FER: variants seen among roughly 807,000 people sequenced by gnomAD.
The protein encoded by FER is tyrosine-protein kinase Fer.
FER carries 63 observed loss-of-function variants against 111.0 expected under a neutral mutation model. That is an observed-to-expected ratio of 0.57 (90% CI 0.46 to 0.70). FER has a LOEUF of 0.70. Ranked by LOEUF, FER falls within the 30% of genes least tolerant of loss-of-function variation. The probability of loss-of-function intolerance (pLI) is 0.00; values close to 1 mark genes in which losing one functional copy is unlikely to be tolerated. For missense variants in FER, 914 were observed against 954.0 expected (o/e 0.96, Z 0.55); for synonymous variants, 327 against 313.9 (o/e 1.04, Z -0.44).
At chr5:109,129,284 A>G (rs7736207) in intron 17 of FER, among the ~76,000 whole-genome samples, 3,156 of 152,138 alleles carry the variant, frequency 0.021, 50 homozygotes, top group Middle Eastern at 0.092. Flanking sequence ...TTATTGGAGA[A>G]TATGGAAAAT....
At chr5:108,791,047 T>C (rs1055644321) in intron 2 of FER, among the ~76,000 whole-genome samples, 3 of 152,230 alleles carry the variant, frequency 2.0e-5, no homozygotes, top group Non-Finnish European at 2.9e-5. Flanking sequence ...TGTTCACCTG[T>C]TGATGGATAT....
At chr5:109,045,524 T>C (rs910296059) in intron 15 of FER, among the ~76,000 whole-genome samples, 2 of 152,160 alleles carry the variant, frequency 1.3e-5, no homozygotes, top group Admixed American at 1.3e-4. Context: ...TGAGGTAATC[T>C]AGTTTATTTT....
chr5:108,852,003 T>C (rs1203300860), intron 5 of FER, among the ~76,000 whole-genome samples: 2 of 152,176 alleles, frequency 1.3e-5, no homozygotes, highest in Non-Finnish European at 2.9e-5. Flanking sequence ...TTCACCCTCT[T>C]TTATCACACA....
At chr5:108,997,578 A>G (rs144393111) in intron 13 of FER, among the ~76,000 whole-genome samples, 1 of 152,010 alleles carries the variant, frequency 6.6e-6, no homozygotes, top group Non-Finnish European at 1.5e-5. Context: ...TTCTAATACT[A>G]TGTTCAATAG....
chr5:109,076,370 C>G (rs1776341717), intron 16 of FER, among the ~76,000 whole-genome samples: 1 of 152,062 alleles, frequency 6.6e-6, no homozygotes, highest in Admixed American at 6.6e-5. Flanking sequence ...GAATGACTTC[C>G]TTGCCCACTG....
At chr5:108,980,553 A>G (rs1449245585) in intron 13 of FER, among the ~76,000 whole-genome samples, 2 of 152,188 alleles carry the variant, frequency 1.3e-5, no homozygotes, top group Admixed American at 6.5e-5. Flanking sequence ...CCTGATGTAT[A>G]TAGAAATGTG....
chr5:108,882,192 A>G (rs1765750409), intron 8 of FER, among the ~76,000 whole-genome samples: 1 of 152,064 alleles, frequency 6.6e-6, no homozygotes, highest in African/African-American at 2.4e-5. Flanking sequence ...AGATGGTCAG[A>G]TAATTTTCTA....
At chr5:108,872,266 T>C (rs1032622309) in intron 8 of FER, 54 bp downstream of exon 8, 1 of 1,477,534 alleles carries the variant, frequency 6.8e-7, no homozygotes, top group African/African-American at 1.4e-5. Context: ...TATTGCTTTA[T>C]TGTTGTACTC....
intron 12 of FER, among the ~76,000 whole-genome samples, chr5:108,958,100 C>T (rs1313885110): frequency 6.6e-6 from 1 of 151,490 alleles, no homozygotes; most frequent in Admixed American, 6.6e-5. Flanking sequence ...TTAAAGTAAA[C>T]TAATGCGTGT....
intron 17 of FER, among the ~76,000 whole-genome samples, chr5:109,160,248 G>A (rs904543631): frequency 6.6e-6 from 1 of 152,078 alleles, no homozygotes; most frequent in African/African-American, 2.4e-5. Context: ...TGGCACATCT[G>A]CAGACTTCAT....
At chr5:109,029,571 C>T (rs79083399) in intron 13 of FER, among the ~76,000 whole-genome samples, 1,519 of 151,756 alleles carry the variant, frequency 0.01, 22 homozygotes, top group African/African-American at 0.035. Flanking sequence ...CCTTGTTTTC[C>T]ATTCATTCTT....
intron 16 of FER, among the ~76,000 whole-genome samples, chr5:109,085,455 ATT>A (rs372809899): frequency 2.8e-5 from 4 of 140,968 alleles, no homozygotes; most frequent in Non-Finnish European, 6.2e-5. Flanking sequence ...AATCTGGTGG[ATT>A]TTTTTTTTTT....
At chr5:108,870,380 T>C (rs1764488351) in intron 6 of FER, among the ~76,000 whole-genome samples, 1 of 152,108 alleles carries the variant, frequency 6.6e-6, no homozygotes, top group Non-Finnish European at 1.5e-5. Context: ...CTCATTTACA[T>C]TAGCAACATT....
chr5:108,785,116 C>A (rs1266250378), intron 2 of FER: 12 of 501,396 alleles, frequency 2.4e-5, no homozygotes, highest in African/African-American at 3.9e-5. Flanking sequence ...GTAGCTGGGA[C>A]AAGCTGGTCA....
intron 17 of FER, among the ~76,000 whole-genome samples, chr5:109,131,616 C>T: frequency 6.6e-6 from 1 of 151,970 alleles, no homozygotes; most frequent in East Asian, 1.9e-4. Context: ...AAGATGAGAT[C>T]AGTAATGTAT....
At chr5:109,074,456 A>T (rs1776099893) in intron 16 of FER, among the ~76,000 whole-genome samples, 1 of 152,244 alleles carries the variant, frequency 6.6e-6, no homozygotes, top group Admixed American at 6.5e-5. Flanking sequence ...TCAAAGATAG[A>T]AACTCAATAA....
At chr5:109,094,831 T>C (rs923271284) in intron 16 of FER, among the ~76,000 whole-genome samples, 3 of 152,124 alleles carry the variant, frequency 2.0e-5, no homozygotes, top group African/African-American at 4.8e-5. Flanking sequence ...CAAATAAATT[T>C]AGTTCCCTCA....
chr5:108,802,497 TC>T (rs914866677), intron 3 of FER, among the ~76,000 whole-genome samples: 8 of 152,016 alleles, frequency 5.3e-5, no homozygotes, highest in African/African-American at 1.9e-4. Flanking sequence ...TTTCAGCCTT[TC>T]CCCCCGTCCT....
chr5:108,867,734 T>G (rs2150235507), intron 5 of FER, 33 bp from the exon 6 acceptor site: 1 of 1,583,144 alleles, frequency 6.3e-7, no homozygotes, highest in Non-Finnish European at 8.6e-7. Context: ...TCTTATCTCT[T>G]TACTAACTTT....
Sources: gnomAD v4.1 joint callset for allele counts (sites outside exome capture counted in the v4.1 genomes callset) on GRCh38, gnomAD v4.1.1 for gene constraint, MANE v1.5 for transcripts, NCBI Gene and HGNC (gene_info 2026-07-23, HGNC 2026-07-21) for gene names.